PRKRIP1: variants seen among roughly 807,000 people sequenced by gnomAD.
PRKRIP1 encodes PRKR interacting protein 1.
In PRKRIP1, 29 loss-of-function variants were observed where a neutral mutation model predicts 29.3. The ratio of observed to expected loss-of-function variants is 0.99; its 90% confidence interval spans 0.74 to 1.35. The LOEUF (loss-of-function observed/expected upper bound fraction) is 1.35. PRKRIP1 is among the 40% of genes most tolerant of loss of function. The pLI, the probability that PRKRIP1 is intolerant of heterozygous loss-of-function variation, is 0.00. For synonymous variants in PRKRIP1, 90 were observed against 85.1 expected, an observed-to-expected ratio of 1.06 and a Z score of -0.32; for missense variants, 247 against 236.8, an observed-to-expected ratio of 1.04 and a Z score of -0.28.
chr7:102,422,122 A>C (rs1230550505), intron 5 of PRKRIP1, among the ~76,000 whole-genome samples: 1 of 150,228 alleles, frequency 6.7e-6, no homozygotes, highest in Non-Finnish European at 1.5e-5. Context: ...TTCATTGTAC[A>C]CAACTGTGTT....
intron 5 of PRKRIP1, among the ~76,000 whole-genome samples, chr7:102,417,836 G>A (rs1258412026): frequency 6.6e-6 from 1 of 151,796 alleles, no homozygotes; most frequent in Non-Finnish European, 1.5e-5. Flanking sequence ...GCCCAGGCTG[G>A]TCTCAAACTC....
intron 3 of PRKRIP1, among the ~76,000 whole-genome samples, chr7:102,400,736 A>G (rs918318578): frequency 1.3e-5 from 2 of 152,130 alleles, no homozygotes; most frequent in African/African-American, 2.4e-5. Context: ...CCCAGTTTCA[A>G]GTGGTTCTCC....
chr7:102,410,321 G>A (rs4729787), intron 5 of PRKRIP1, among the ~76,000 whole-genome samples: 27,570 of 152,150 alleles, frequency 0.18, 2,580 homozygotes, highest in South Asian at 0.27. Flanking sequence ...TGCTGTCTTG[G>A]TTGGTGGGAT....
At position 102,425,377 on chromosome 7, in the gene PRKRIP1, T is replaced by C. The variant is rs1467182684; in HGVS notation, c.*266T>C. On this transcript the variant is annotated 3_prime_UTR_variant, in exon 6 of 6. Coordinates refer to ENST00000397912, the MANE Select transcript of PRKRIP1 (RefSeq NM_024653.4). ...ACAGAGAGCCTCACCTTGCCACATA[T>C]TTGAACAGTGATGAGTTTGGGGCTG... 3 of 552,692 alleles carry C rather than the reference T, an allele frequency of 5.4e-6. No individual in the cohort carries two copies. Among genetic ancestry groups the C allele is most frequent in the East Asian group, 3.8e-5 (1 of 26,026 alleles). The allele number at this position is 552,692 out of a possible 1,614,324, so 34.2% of individuals were successfully genotyped here.
intron 3 of PRKRIP1, among the ~76,000 whole-genome samples, chr7:102,403,724 A>G (rs535504771): frequency 6.6e-6 from 1 of 152,150 alleles, no homozygotes; most frequent in South Asian, 2.1e-4. Context: ...AGGAATTACA[A>G]TTTTCCCCAT....
intron 5 of PRKRIP1, among the ~76,000 whole-genome samples, chr7:102,419,884 TGTGTGTGTGTG>T (rs1554573565): frequency 4.7e-5 from 6 of 128,594 alleles, no homozygotes; most frequent in South Asian, 2.7e-4. Flanking sequence ...TGTGTGTGTG[TGTGTGTGTGTG>T]TTTTTGAGAT....
At chr7:102,407,300 A>T (rs1305113660) in intron 4 of PRKRIP1, 134 bp from the exon 5 acceptor site, 5 of 610,236 alleles carry the variant, frequency 8.2e-6, no homozygotes, top group Non-Finnish European at 1.5e-5. Flanking sequence ...CACTCACCTA[A>T]TATTTTTCTT....
intron 5 of PRKRIP1, among the ~76,000 whole-genome samples, chr7:102,408,648 G>A (rs886416282): frequency 1.3e-5 from 2 of 152,188 alleles, no homozygotes; most frequent in Admixed American, 6.5e-5. Flanking sequence ...ATGCTTGACT[G>A]GATCTGCTTC....
In PRKRIP1 at chr7:102,421,762, C is replaced by A. The variant is rs567029100; in HGVS notation, c.458-3252C>A. ...CAGTGAGCCAAGATCGCGCCACTGC[C>A]CTCTAGCCTGGTGACAGTGTGAGAC... On this transcript the variant is annotated intron_variant, in intron 5 of 5. Transcript: ENST00000397912. Among the ~76,000 whole-genome samples the A allele has an allele frequency of 1.2e-3, 186 of 151,888 alleles. 1 individual carries two copies. Among genetic ancestry groups the A allele is most frequent in the African/African-American group, 4.3e-3 (177 of 41,412 alleles).
At chr7:102,418,940 C>T (rs1397645035) in intron 5 of PRKRIP1, among the ~76,000 whole-genome samples, 1 of 152,072 alleles carries the variant, frequency 6.6e-6, no homozygotes, top group African/African-American at 2.4e-5. Flanking sequence ...AAGCGATCCT[C>T]CGGCCTCAAC....
chr7:102,405,545 T>A (rs1386525112), intron 4 of PRKRIP1, among the ~76,000 whole-genome samples: 1 of 152,178 alleles, frequency 6.6e-6, no homozygotes, highest in African/African-American at 2.4e-5. Context: ...CAGTGAGTTA[T>A]GATCGCACCA....
At chr7:102,401,443 G>C (rs937127573) in intron 3 of PRKRIP1, among the ~76,000 whole-genome samples, 1 of 152,150 alleles carries the variant, frequency 6.6e-6, no homozygotes, top group Non-Finnish European at 1.5e-5. Flanking sequence ...AAAAAATTCT[G>C]CTTTGGGGGG....
intron 2 of PRKRIP1, 43 bp downstream of exon 2, chr7:102,397,741 TATA>T (rs781898972): frequency 6.4e-7 from 1 of 1,570,510 alleles, no homozygotes; most frequent in Admixed American, 1.7e-5. Flanking sequence ...TGTGTGTAAA[TATA>T]ATTTTTTAAG....
chr7:102,399,602 G>A lies in PRKRIP1; in HGVS notation c.260G>A (p.Arg87Gln), dbSNP rs1554570937. The change falls in exon 3 of 6, where the codon CGG (arginine) becomes CAG (glutamine). Residue 87 changes from arginine to glutamine, a missense_variant. By Grantham distance (43) the Arg-to-Gln change is conservative (BLOSUM62 1). Around this residue, in one of 3 missense-constraint regions of PRKRIP1, gnomAD observed 134 missense variants for 126.6 expected, o/e 1.06. Transcript: ENST00000397912. The part of the protein sequence containing the change: ...GEFHVYRHLR[R>Q]REYQRQDYMD... ...TTCCACGTGTACAGACATCTGCGCC[G>A]GAGAGAATATCAGCGACAGGACTAC... The A allele has an allele frequency of 9.3e-6, 15 of 1,614,106 alleles. No individual in the cohort carries two copies. Among genetic ancestry groups the A allele is most frequent in the South Asian group, 1.1e-5 (1 of 91,080 alleles).
intron 5 of PRKRIP1, among the ~76,000 whole-genome samples, chr7:102,412,709 C>T (rs182761827): frequency 1.2e-4 from 18 of 152,220 alleles, no homozygotes; most frequent in Middle Eastern, 3.4e-3. Flanking sequence ...TTTGGTGCGC[C>T]GTGGGTCCTG....
At chr7:102,411,786 C>T (rs536797423) in intron 5 of PRKRIP1, among the ~76,000 whole-genome samples, 2 of 145,766 alleles carry the variant, frequency 1.4e-5, no homozygotes, top group Non-Finnish European at 3.0e-5. Flanking sequence ...TCTCCACATC[C>T]TCACCAACAC....
In PRKRIP1 at chr7:102,397,911, G is replaced by A. The variant is rs576745626; in HGVS notation, c.205+213G>A. ...ATACAAAAAAAATTAGCCGGGCGTG[G>A]TGGCAGGCACCTGTAGTCCCAGCTA... On this transcript the variant is annotated intron_variant, in intron 2 of 5. Transcript: ENST00000397912. Among the ~76,000 whole-genome samples, 4 of 152,158 alleles carry A rather than the reference G, an allele frequency of 2.6e-5. No individual in the cohort carries two copies. In the East Asian group the frequency reaches 7.8e-4, roughly 30 times the overall value.
rs541034610 is a variant in PRKRIP1, at chr7:102,425,054, G to A, written c.498G>A (p.Ala166=). 4.0e-5 allele frequency: 64 copies of A among 1,613,818 alleles called. No individual in the cohort carries two copies. The highest frequency in any genetic ancestry group is 2.5e-4 in the African/African-American group (19 of 75,036). ...QPKEQGSSSS[A]EASGTEEEEE... is the part of the protein sequence containing the mutation. ...AGGAGCAGGGGTCCAGCAGCTCTGCGGAGGCATCTGGAACAGAGGAGGAGG... is the reference window on the plus strand; with the variant it reads ...AGGAGCAGGGGTCCAGCAGCTCTGCAGAGGCATCTGGAACAGAGGAGGAGG... Residue 166 remains alanine, a synonymous_variant, in exon 6 of 6, where the codon GCG becomes GCA. Coordinates refer to ENST00000397912, the MANE Select transcript of PRKRIP1 (RefSeq NM_024653.4).
chr7:102,425,408 TG>T lies in PRKRIP1; in HGVS notation c.*300del, dbSNP rs2086641831. ...CAGTGATGAGTTTGGGGCTGGTTTC[TG>T]GGAAGGGAACGTTTATTTAGTAAAG... On this transcript the variant is annotated 3_prime_UTR_variant, in exon 6 of 6. Transcript: ENST00000397912. 2.3e-6 allele frequency: 1 copy of T among 441,706 alleles called. No homozygotes were observed. Among genetic ancestry groups the T allele is most frequent in the Admixed American group, 4.0e-5 (1 of 24,932 alleles). The allele number at this position is 441,706 out of a possible 1,614,324, so 27.4% of individuals were successfully genotyped here.
Sources: allele counts gnomAD v4.1 joint callset (sites outside exome capture counted in the v4.1 genomes callset), GRCh38; gene constraint gnomAD v4.1.1; regional missense constraint gnomAD v4.1.1; transcripts MANE v1.5; gene names NCBI Gene and HGNC (gene_info 2026-07-23, HGNC 2026-07-21).